Variants in ZNF724 observed in about 807,000 individuals in gnomAD.
The protein encoded by ZNF724 is zinc finger protein 724, also known as zinc finger protein 724 pseudogene.
In ZNF724, 14 loss-of-function variants were observed where a neutral mutation model predicts 29.3. That is an observed-to-expected ratio of 0.48 (90% CI 0.32 to 0.75). The LOEUF (loss-of-function observed/expected upper bound fraction) is 0.75. Among genes scored for constraint, ZNF724 ranks in the 30% least tolerant of loss-of-function variants. The probability of loss-of-function intolerance (pLI) is 0.04; values close to 1 mark genes in which losing one functional copy is unlikely to be tolerated. For synonymous variants in ZNF724, 180 were observed against 193.6 expected, an observed-to-expected ratio of 0.93 and a Z score of 0.58; for missense variants, 557 against 571.2, an observed-to-expected ratio of 0.98 and a Z score of 0.25.
intron 1 of ZNF724, among the ~76,000 whole-genome samples, chr19:23,243,488 A>AT (rs1568345889): frequency 4.7e-5 from 7 of 150,426 alleles, no homozygotes; most frequent in African/African-American, 7.4e-5. Flanking sequence ...AAAAAAAAAA[A>AT]AAAAAAAAAA....
chr19:23,224,985 A>AC lies in ZNF724; in HGVS notation c.227-968_227-967insG, dbSNP rs199590920. The stretch of plus-strand genomic sequence containing the variant: ...AAAAAACAAACAAACAACAACAACA[A>AC]AAAAAAAACCCCACCAAATCTGTTG... On this transcript the variant is annotated intron_variant, in intron 3 of 3. Coordinates refer to ENST00000418100, the MANE Select transcript of ZNF724 (RefSeq NM_001355404.2). Among the ~76,000 whole-genome samples, 887 of 150,828 alleles carry AC rather than the reference A, an allele frequency of 5.9e-3. 4 individuals are homozygous for AC. Among genetic ancestry groups the AC allele is most frequent in the African/African-American group, 0.018 (723 of 41,184 alleles).
At chr19:23,238,057 G>T (rs1461347551) in intron 1 of ZNF724, among the ~76,000 whole-genome samples, 1 of 151,802 alleles carries the variant, frequency 6.6e-6, no homozygotes, top group Non-Finnish European at 1.5e-5. Flanking sequence ...AGACAAATCT[G>T]TATCTACTTT....
At chr19:23,236,119 T>C (rs1412159601) in intron 1 of ZNF724, among the ~76,000 whole-genome samples, 1 of 151,894 alleles carries the variant, frequency 6.6e-6, no homozygotes, top group Non-Finnish European at 1.5e-5. Flanking sequence ...ACTTAGGGAG[T>C]TATCTTTTTG....
rs1321607710 is a variant in ZNF724 at position 23,222,337 on chromosome 19, A to G, written c.*48T>C. 1.3e-6 allele frequency: 1 copy of G among 781,942 alleles called. No homozygotes were observed. Among genetic ancestry groups the G allele is most frequent in the Admixed American group, 2.6e-5 (1 of 38,664 alleles). 48.4% of individuals were successfully genotyped at this position (781,942 alleles called of 1,614,324 possible). Reference sequence around the variant, plus strand: ...TGTGATCCACCCGCCTTGGCCTCCCAAAGTGCTGGGATTACAGGTGTGAGC... The same window carrying G: ...TGTGATCCACCCGCCTTGGCCTCCCGAAGTGCTGGGATTACAGGTGTGAGC... On this transcript the variant is annotated 3_prime_UTR_variant, in exon 4 of 4. Transcript: ENST00000418100.
At chr19:23,248,529 T>C (rs753559342) in intron 1 of ZNF724, among the ~76,000 whole-genome samples, 1 of 151,036 alleles carries the variant, frequency 6.6e-6, no homozygotes, top group Non-Finnish European at 1.5e-5. Context: ...TAGTCTGAGG[T>C]GGAAATCTAG....
chr19:23,242,344 T>C lies in ZNF724; in HGVS notation c.3+7896A>G, dbSNP rs373145490. Among the ~76,000 whole-genome samples, 125 of 152,240 alleles carry C rather than the reference T, an allele frequency of 8.2e-4. 4 individuals are homozygous for C. In the South Asian group the frequency reaches 0.025, roughly 31 times the overall value. ...CTATAATCCCAGAACTTTGGGAGGC[T>C]GAGGCAGGCAGATTGCCTGAGCTCA... On this transcript the variant is annotated intron_variant, in intron 1 of 3. Transcript: ENST00000418100.
chr19:23,242,181 T>C (rs1027507035), intron 1 of ZNF724, among the ~76,000 whole-genome samples: 1 of 152,028 alleles, frequency 6.6e-6, no homozygotes, highest in African/African-American at 2.4e-5. Context: ...AAGTGAAAGA[T>C]CTCTACGACA....
intron 1 of ZNF724, among the ~76,000 whole-genome samples, chr19:23,249,067 CAGAA>C (rs1275896348): frequency 1.3e-5 from 2 of 151,936 alleles, no homozygotes; most frequent in Admixed American, 1.3e-4. Context: ...GACAGGAAGA[CAGAA>C]AGAATATAAC....
chr19:23,247,704 GA>G (rs1172217883), intron 1 of ZNF724, among the ~76,000 whole-genome samples: 1 of 152,226 alleles, frequency 6.6e-6, no homozygotes, highest in Non-Finnish European at 1.5e-5. Context: ...AAATCTTGGA[GA>G]ATCCAGCTGG....
At chr19:23,239,130 A>C (rs1311130500) in intron 1 of ZNF724, among the ~76,000 whole-genome samples, 1 of 150,928 alleles carries the variant, frequency 6.6e-6, no homozygotes, top group Non-Finnish European at 1.5e-5. Context: ...TAATAGTGGG[A>C]GACTACAACA....
chr19:23,222,855 T>C lies in ZNF724; in HGVS notation c.1390A>G (p.Asn464Asp), dbSNP rs751768772. Residue 464 changes from asparagine (N) to aspartate (D), a missense_variant, in exon 4 of 4, where the codon AAC (asparagine) becomes GAC (aspartate). This residue lies in a region of ZNF724 where 170 missense variants were observed against 220.7 expected (regional missense o/e 0.77). Transcript: ENST00000418100. ...ECGKAFKRSS[N>D]LTEHRIIHTG... Reference sequence around the variant, plus strand: ...TGAATTATCCTATGTTCAGTAAGGTTTGAGGACCGCTTAAAAGCTTTGCCA... The same window carrying C: ...TGAATTATCCTATGTTCAGTAAGGTCTGAGGACCGCTTAAAAGCTTTGCCA... 7.1e-7 allele frequency: 1 copy of C among 1,400,166 alleles called. No individual in the cohort carries two copies. The highest frequency in any genetic ancestry group is 1.7e-5 in the Admixed American group (1 of 57,300). 86.7% of individuals were successfully genotyped at this position (1,400,166 alleles called of 1,614,324 possible). A position where few individuals can be genotyped will look rare whatever the true frequency, so the allele number is the denominator to read the frequency against.
rs1189159007 is a variant in ZNF724, at chr19:23,222,098, TAA to T, written c.*285_*286del. 1.2e-5 allele frequency: 4 copies of T among 343,178 alleles called. No homozygotes were observed. Among genetic ancestry groups the T allele is most frequent in the Non-Finnish European group, 2.1e-5 (4 of 190,770 alleles). The allele number at this position is 343,178 out of a possible 1,614,324, so 21.3% of individuals were successfully genotyped here. ...CAAGTATACATCATTTCCTGTCCAATAAAGTGTCAGCATTGGTTAAAAGTTTT... is the reference window on the plus strand; with the variant it reads ...CAAGTATACATCATTTCCTGTCCAATAGTGTCAGCATTGGTTAAAAGTTTT... On this transcript the variant is annotated 3_prime_UTR_variant, in exon 4 of 4. Transcript: ENST00000418100.
At chr19:23,241,356 T>A (rs905351415) in intron 1 of ZNF724, among the ~76,000 whole-genome samples, 1 of 152,138 alleles carries the variant, frequency 6.6e-6, no homozygotes, top group African/African-American at 2.4e-5. Context: ...TTAAAACTAT[T>A]ACAAAAAATT....
intron 3 of ZNF724, among the ~76,000 whole-genome samples, chr19:23,225,612 C>CA (rs1006434180): frequency 1.3e-5 from 2 of 151,884 alleles, no homozygotes; most frequent in East Asian, 1.9e-4. Flanking sequence ...TCTCAAAAAA[C>CA]AAAAAACAAA....
rs1318076625 is a variant in ZNF724 at position 23,232,233 on chromosome 19, C to A, written c.64G>T (p.Asp22Tyr). Residue 22 changes from aspartate to tyrosine, a missense_variant, in exon 2 of 4, where the codon GAC becomes TAC. Asp to Tyr is a radical substitution (Grantham distance 160). Around this residue, in one of 3 missense-constraint regions of ZNF724, gnomAD observed 25 missense variants for 54.9 expected, o/e 0.46. Coordinates refer to ENST00000418100, the MANE Select transcript of ZNF724 (RefSeq NM_001355404.2). Reference sequence around the variant, plus strand: ...CTATATAAATTCTGCTGTGCAGTGTCCAGGCATTGCCACTCCTCCACAGAG... The same window carrying A: ...CTATATAAATTCTGCTGTGCAGTGTACAGGCATTGCCACTCCTCCACAGAG... The part of the protein sequence containing the change: ...EFSVEEWQCL[D>Y]TAQQNLYRNV... 1.5e-6 allele frequency: 2 copies of A among 1,314,190 alleles called. No homozygotes were observed. The highest frequency in any genetic ancestry group is 2.2e-6 in the Non-Finnish European group (2 of 906,806). The allele number at this position is 1,314,190 out of a possible 1,614,324, so 81.4% of individuals were successfully genotyped here.
At chr19:23,250,171 A>G in intron 1 of ZNF724, 69 bp downstream of exon 1, 2 of 567,240 alleles carry the variant, frequency 3.5e-6, no homozygotes, top group Non-Finnish European at 7.0e-6. Context: ...CGAGTCCGCC[A>G]CAGCCACTTC....
At chr19:23,244,945 A>G (rs1972211214) in intron 1 of ZNF724, among the ~76,000 whole-genome samples, 1 of 152,228 alleles carries the variant, frequency 6.6e-6, no homozygotes. Context: ...AACCCAGGAA[A>G]AGTCAAATGA....
At position 23,223,447 on chromosome 19, in the gene ZNF724, G is replaced by A. The variant is rs1301420151; in HGVS notation, c.798C>T (p.Ser266=). Residue 266 remains serine (S), a synonymous_variant, in exon 4 of 4, where the codon TCC becomes TCT. Coordinates refer to ENST00000418100, the MANE Select transcript of ZNF724 (RefSeq NM_001355404.2). The stretch of plus-strand genomic sequence containing the variant: ...TTATCTTATGTGTAGTAAGGTGTGA[G>A]GATATGTTAAAAGCTTTTCCACATT... ...REECGKAFNI[S]SHLTTHKIIH... The A allele has an allele frequency of 1.3e-6, 1 of 766,078 alleles. No homozygotes were observed. The highest frequency in any genetic ancestry group is 2.4e-6 in the Non-Finnish European group (1 of 411,696). 47.5% of individuals were successfully genotyped at this position (766,078 alleles called of 1,614,324 possible).
chr19:23,248,862 G>A (rs940254057), intron 1 of ZNF724, among the ~76,000 whole-genome samples: 9 of 152,008 alleles, frequency 5.9e-5, no homozygotes, highest in Non-Finnish European at 8.8e-5. Context: ...GGGCATGGTG[G>A]TGGGCGCCTG....
Sources: gnomAD v4.1 joint callset for allele counts (sites outside exome capture counted in the v4.1 genomes callset) on GRCh38, gnomAD v4.1.1 for gene constraint, gnomAD v4.1.1 regional missense constraint, MANE v1.5 for transcripts, NCBI Gene and HGNC (gene_info 2026-07-23, HGNC 2026-07-21) for gene names.